Variants in PDIA4 observed in about 807,000 individuals in gnomAD.
The protein encoded by PDIA4 is protein disulfide isomerase family A member 4.
Under a neutral mutation model 62.1 loss-of-function variants are expected in PDIA4, and 33 were observed. The observed-to-expected ratio is 0.53, with a 90% confidence interval of 0.40 to 0.71. PDIA4 has a LOEUF of 0.71. Among genes scored for constraint, PDIA4 ranks in the 30% least tolerant of loss-of-function variants. The pLI, the probability that PDIA4 is intolerant of heterozygous loss-of-function variation, is 0.00. For missense variants in PDIA4, 804 were observed against 813.6 expected (o/e 0.99, Z 0.14); for synonymous variants, 341 against 324.1 (o/e 1.05, Z -0.56).
In PDIA4 at chr7:149,012,316, G is replaced by A; in HGVS notation, c.659C>T (p.Ala220Val). 1 of 1,613,910 alleles carries A rather than the reference G, an allele frequency of 6.2e-7. No homozygotes were observed. The highest frequency in any genetic ancestry group is 2.2e-5 in the East Asian group (1 of 44,888). ...AGGAGAACGCTTGCTGAGCTCCTTG[G>A]CGGCCTTCTCATACTCGGGGGCAAG... ...KKLAPEYEKA[A>V]KELSKRSPPI... The change falls in exon 5 of 10, where the codon GCC becomes GTC. Residue 220 changes from alanine to valine, a missense_variant. By Grantham distance (64) the Ala-to-Val change is moderately conservative. Transcript: ENST00000652332.
At position 149,020,954 on chromosome 7, in the gene PDIA4, A is replaced by C. The variant is rs1824325492; in HGVS notation, c.269+13T>G. 3 of 1,613,028 alleles carry C rather than the reference A, an allele frequency of 1.9e-6. No homozygotes were observed. Among genetic ancestry groups the C allele is most frequent in the Non-Finnish European group, 2.5e-6 (3 of 1,179,198 alleles). On this transcript the variant is annotated intron_variant, in intron 2 of 9. Coordinates refer to ENST00000652332, the MANE Select transcript of PDIA4 (RefSeq NM_004911.5). The stretch of plus-strand genomic sequence containing the variant: ...CGCTTGTCCACCTGCAGAAATTAGA[A>C]CGCGGTCCTTACCATGGAGCATAAA...
At position 149,011,943 on chromosome 7, in the gene PDIA4, C is replaced by G. The variant is rs1219472996; in HGVS notation, c.882G>C (p.Lys294Asn). ...GPPSKEILTL[K>N]QVQEFLKDGD... ...CATCCTTCAGGAACTCCTGGACCTGCTTCAGGGTCAGAATCTCCTTGGAGG... is the reference window on the plus strand; with the variant it reads ...CATCCTTCAGGAACTCCTGGACCTGGTTCAGGGTCAGAATCTCCTTGGAGG... The change falls in exon 6 of 10, where the codon AAG becomes AAC. Residue 294 changes from lysine to asparagine, a missense_variant. By Grantham distance (94) the Lys-to-Asn change is moderately conservative. Coordinates refer to ENST00000652332, the MANE Select transcript of PDIA4 (RefSeq NM_004911.5). 1 of 1,610,218 alleles carries G rather than the reference C, an allele frequency of 6.2e-7. No individual in the cohort carries two copies. The highest frequency in any genetic ancestry group is 8.5e-7 in the Non-Finnish European group (1 of 1,177,834).
chr7:149,007,651 G>A (rs1200548425), intron 7 of PDIA4, among the ~76,000 whole-genome samples: 2 of 152,270 alleles, frequency 1.3e-5, no homozygotes, highest in East Asian at 3.8e-4. Context: ...CACACTCTAG[G>A]AGGATGAAGT....
chr7:149,009,691 G>T (rs1169365676), intron 6 of PDIA4, among the ~76,000 whole-genome samples: 2 of 152,214 alleles, frequency 1.3e-5, no homozygotes, highest in Admixed American at 1.3e-4. Context: ...GGACCATGTG[G>T]TCTGTCCCAG....
intron 3 of PDIA4, among the ~76,000 whole-genome samples, chr7:149,015,896 T>C (rs1824120843): frequency 1.3e-5 from 2 of 152,222 alleles, no homozygotes; most frequent in African/African-American, 2.4e-5. Context: ...TATCAAAACA[T>C]AGCATACACT....
At chr7:149,019,549 A>G (rs1308238504) in intron 2 of PDIA4, among the ~76,000 whole-genome samples, 1 of 152,200 alleles carries the variant, frequency 6.6e-6, no homozygotes, top group African/African-American at 2.4e-5. Flanking sequence ...GCGAAACTCC[A>G]TCTTTACAAA....
intron 1 of PDIA4, chr7:149,028,046 C>A (rs115293951): frequency 1.6e-6 from 1 of 635,752 alleles, no homozygotes; most frequent in South Asian, 1.5e-5. Flanking sequence ...GCAGCCCTCT[C>A]CCAGCCTCGG....
intron 4 of PDIA4, among the ~76,000 whole-genome samples, 164 bp downstream of exon 4, chr7:149,014,740 C>T (rs115538126): frequency 6.4e-4 from 97 of 152,322 alleles, no homozygotes; most frequent in African/African-American, 2.3e-3. Flanking sequence ...CAACAGCTCT[C>T]TTACATCCAC....
At position 149,011,872 on chromosome 7, in the gene PDIA4, G is replaced by A. The variant is rs1341495437; in HGVS notation, c.953C>T (p.Pro318Leu). Residue 318 changes from proline (P) to leucine (L), a missense_variant, in exon 6 of 10, where the codon CCA becomes CTA. Coordinates refer to ENST00000652332, the MANE Select transcript of PDIA4 (RefSeq NM_004911.5). ...IIGVFKGESD[P>L]AYQQYQDAAN... The stretch of plus-strand genomic sequence containing the variant: ...GGCATCCTGGTATTGCTGGTAGGCT[G>A]GGTCACTCTCCCCCTTAAAGACCCC... 1 of 1,585,414 alleles carries A rather than the reference G, an allele frequency of 6.3e-7. No homozygotes were observed. Among genetic ancestry groups the A allele is most frequent in the Non-Finnish European group, 8.6e-7 (1 of 1,165,228 alleles).
At chr7:149,021,830 T>C (rs1399717619) in intron 1 of PDIA4, among the ~76,000 whole-genome samples, 1 of 152,128 alleles carries the variant, frequency 6.6e-6, no homozygotes, top group African/African-American at 2.4e-5. Flanking sequence ...TCCTCCCTAC[T>C]TCCTTGTACC....
chr7:149,026,326 T>G lies in PDIA4; in HGVS notation c.88+1995A>C, dbSNP rs988829212. On this transcript the variant is annotated intron_variant, in intron 1 of 9. Transcript: ENST00000652332. ...TTGCTTGAGGCCAGCCTGGGCAACA[T>G]AGTGAGACCCCATCTCTACCAAAAA... Among the ~76,000 whole-genome samples the G allele has an allele frequency of 2.0e-5, 3 of 150,844 alleles. No homozygotes were observed. In the East Asian group the frequency reaches 5.9e-4, roughly 30 times the overall value.
rs762007812 is a variant in PDIA4, at chr7:149,003,674, TA to T, written c.*119del. 0.22 allele frequency: 112,406 copies of T among 499,772 alleles called. 69 individuals carry two copies. Among genetic ancestry groups the T allele is most frequent in the East Asian group, 0.29 (7,152 of 24,538 alleles). The allele number at this position is 499,772 out of a possible 1,614,324, so 31.0% of individuals were successfully genotyped here. On this transcript the variant is annotated 3_prime_UTR_variant, in exon 10 of 10. Transcript: ENST00000652332. ...AGTGAAACACCAAAGTATAAAAAATTAAAAAAAAAAAAAAAGGAATCCGAGA... is the reference window on the plus strand; with the variant it reads ...AGTGAAACACCAAAGTATAAAAAATTAAAAAAAAAAAAAAGGAATCCGAGA...
At chr7:149,017,303 G>T (rs554535288) in intron 3 of PDIA4, among the ~76,000 whole-genome samples, 92 of 152,226 alleles carry the variant, frequency 6.0e-4, no homozygotes, top group African/African-American at 1.9e-3. Context: ...AAAATAAGAG[G>T]CCGGGCACAG....
intron 3 of PDIA4, among the ~76,000 whole-genome samples, chr7:149,015,781 G>A (rs968023874): frequency 8.5e-5 from 13 of 152,240 alleles, no homozygotes; most frequent in Non-Finnish European, 1.8e-4. Flanking sequence ...AAACTGAAAC[G>A]TGCACAAGCA....
Position 149,025,416 on chromosome 7 carries a change from A to G in PDIA4, c.88+2905T>C, listed in dbSNP as rs185491533. Among the ~76,000 whole-genome samples the G allele has an allele frequency of 1.1e-3, 174 of 152,302 alleles. 1 individual carries two copies. Among genetic ancestry groups the G allele is most frequent in the African/African-American group, 4.0e-3 (167 of 41,558 alleles). On this transcript the variant is annotated intron_variant, in intron 1 of 9. Coordinates refer to ENST00000652332, the MANE Select transcript of PDIA4 (RefSeq NM_004911.5). The stretch of plus-strand genomic sequence containing the variant: ...AACAGCTGCATAAACTCTACCATTC[A>G]GCCAATACTGAAGAGTTTGTATTAA...
chr7:149,005,782 G>GATTTCTGAGTGAGCCATGTACATAC lies in PDIA4; in HGVS notation c.1288+90_1288+114dup, dbSNP rs1461058724. 9 of 833,754 alleles carry GATTTCTGAGTGAGCCATGTACATAC rather than the reference G, an allele frequency of 1.1e-5. No homozygotes were observed. The African/African-American group carries it at 1.4e-4, about 13-fold the overall frequency. 51.6% of individuals were successfully genotyped at this position (833,754 alleles called of 1,614,324 possible). ...CCAACGTGCAAGGGCCCCAGGCTGG[G>GATTTCTGAGTGAGCCATGTACATAC]ATTTCTGAGTGAGCCATGTACATAC... On this transcript the variant is annotated intron_variant, in intron 8 of 9. Transcript: ENST00000652332.
chr7:149,005,103 C>A (rs372393831), intron 9 of PDIA4, 38 bp downstream of exon 9: 1 of 1,508,154 alleles, frequency 6.6e-7, no homozygotes, highest in African/African-American at 1.4e-5. Context: ...AGGAGCACAG[C>A]AGCTGATGGG....
intron 4 of PDIA4, among the ~76,000 whole-genome samples, chr7:149,013,622 T>C (rs534450701): frequency 5.3e-5 from 8 of 152,144 alleles, no homozygotes; most frequent in African/African-American, 1.9e-4. Context: ...TAGTGAACTA[T>C]GATGGTGCCA....
At chr7:149,004,993 G>C in intron 9 of PDIA4, 148 bp downstream of exon 9, 1 of 680,014 alleles carries the variant, frequency 1.5e-6, no homozygotes, top group East Asian at 2.5e-5. Flanking sequence ...CGAGAAGTCA[G>C]AGTCCCTCGG....
Sources: allele counts gnomAD v4.1 joint callset (sites outside exome capture counted in the v4.1 genomes callset), GRCh38; gene constraint gnomAD v4.1.1; transcripts MANE v1.5; gene names NCBI Gene and HGNC (gene_info 2026-07-23, HGNC 2026-07-21).